PDGFRL: variants seen among roughly 807,000 people sequenced by gnomAD.
PDGFRL encodes the protein platelet-derived growth factor receptor-like protein.
A neutral mutation model predicts 37.2 loss-of-function variants in PDGFRL; 46 were observed. The ratio of observed to expected loss-of-function variants is 1.24; its 90% CI spans 0.98 to 1.58. PDGFRL has a LOEUF of 1.58. PDGFRL is among the 40% of genes most tolerant of loss of function. The pLI is 0.00. For missense variants in PDGFRL, 692 were observed against 467.6 expected, an observed-to-expected ratio of 1.48 and a Z score of -4.43; for synonymous variants, 251 against 184.3, an observed-to-expected ratio of 1.36 and a Z score of -2.93.
At chr8:17,602,475 A>C (rs1245700204) in intron 2 of PDGFRL, among the ~76,000 whole-genome samples, 1 of 152,132 alleles carries the variant, frequency 6.6e-6, no homozygotes, top group Non-Finnish European at 1.5e-5. Flanking sequence ...AAGAGAGAGT[A>C]ATCATCGAAT....
intron 2 of PDGFRL, among the ~76,000 whole-genome samples, chr8:17,616,414 C>T (rs1045910891): frequency 6.6e-6 from 1 of 152,012 alleles, no homozygotes; most frequent in Non-Finnish European, 1.5e-5. Flanking sequence ...AGGATGGTCT[C>T]GATCTCTTGA....
intron 2 of PDGFRL, among the ~76,000 whole-genome samples, chr8:17,594,601 C>A (rs545549465): frequency 1.4e-4 from 22 of 151,848 alleles, no homozygotes; most frequent in African/African-American, 4.8e-4. Context: ...GTCACCCAGG[C>A]TGGAGTGCAG....
chr8:17,611,153 C>T (rs1417212759), intron 2 of PDGFRL, among the ~76,000 whole-genome samples: 1 of 152,184 alleles, frequency 6.6e-6, no homozygotes, highest in Non-Finnish European at 1.5e-5. Flanking sequence ...CTCTAGCTGG[C>T]CTTGTAACCT....
chr8:17,587,863 C>T (rs1320618193), intron 1 of PDGFRL, among the ~76,000 whole-genome samples: 2 of 152,066 alleles, frequency 1.3e-5, no homozygotes, highest in Non-Finnish European at 2.9e-5. Flanking sequence ...CTTCTGACCT[C>T]AACTGATCCA....
At chr8:17,591,624 CCTG>C (rs1435547703) in intron 2 of PDGFRL, among the ~76,000 whole-genome samples, 14 of 152,118 alleles carry the variant, frequency 9.2e-5, no homozygotes, top group African/African-American at 3.4e-4. Flanking sequence ...AGAAAGAAAG[CCTG>C]CAGGCAGGCT....
intron 5 of PDGFRL, among the ~76,000 whole-genome samples, chr8:17,634,982 T>TAAA (rs759933210): frequency 0.062 from 9,380 of 151,246 alleles, 413 homozygotes; most frequent in East Asian, 0.14. Flanking sequence ...GGTTTTTTTT[T>TAAA]AAAAAAAAGG....
At chr8:17,624,200 G>A (rs1042613066) in intron 3 of PDGFRL, among the ~76,000 whole-genome samples, 1 of 152,134 alleles carries the variant, frequency 6.6e-6, no homozygotes, top group Non-Finnish European at 1.5e-5. Flanking sequence ...GCTGGCTCAG[G>A]ATTCTTTCAG....
intron 2 of PDGFRL, among the ~76,000 whole-genome samples, chr8:17,619,000 T>C (rs992818117): frequency 3.9e-5 from 6 of 152,136 alleles, no homozygotes; most frequent in African/African-American, 1.2e-4. Context: ...GAAGCACCAC[T>C]TGGCAGAACT....
intron 2 of PDGFRL, among the ~76,000 whole-genome samples, chr8:17,609,542 G>A (rs1233854980): frequency 6.9e-6 from 1 of 144,520 alleles, no homozygotes; most frequent in East Asian, 2.1e-4. Flanking sequence ...GGAGGCTAAA[G>A]CAGGAGAATC....
At chr8:17,622,123 A>T (rs1017060685) in intron 3 of PDGFRL, among the ~76,000 whole-genome samples, 1 of 152,178 alleles carries the variant, frequency 6.6e-6, no homozygotes, top group Non-Finnish European at 1.5e-5. Flanking sequence ...CTGCAGTGCA[A>T]AGTATGTTTC....
At chr8:17,607,804 G>A (rs1804315287) in intron 2 of PDGFRL, among the ~76,000 whole-genome samples, 1 of 152,226 alleles carries the variant, frequency 6.6e-6, no homozygotes, top group Admixed American at 6.5e-5. Context: ...TGAAAGATAT[G>A]TCAAAGGAGG....
rs1418967720 is a variant in PDGFRL, at chr8:17,642,732, A to G, written c.1059A>G (p.Gly353=). ...AAGACTTTGAGACGATTGATGCAGG[A>G]TATTACATTTGCACTGCTCAGAATC... The part of the protein sequence containing the change: ...TVEDFETIDA[G]YYICTAQNLQ... Residue 353 remains glycine, a synonymous_variant, in exon 6 of 6, where the codon GGA becomes GGG. Transcript: ENST00000251630. 6.2e-7 allele frequency: 1 copy of G among 1,607,616 alleles called. No individual in the cohort carries two copies. Among genetic ancestry groups the G allele is most frequent in the Non-Finnish European group, 8.5e-7 (1 of 1,173,990 alleles).
At chr8:17,595,272 C>G (rs1320869361) in intron 2 of PDGFRL, among the ~76,000 whole-genome samples, 1 of 152,162 alleles carries the variant, frequency 6.6e-6, no homozygotes, top group African/African-American at 2.4e-5. Context: ...CCACCATCCC[C>G]TCAACCATTA....
intron 5 of PDGFRL, among the ~76,000 whole-genome samples, chr8:17,634,704 A>C (rs904570818): frequency 1.6e-4 from 24 of 152,206 alleles, no homozygotes; most frequent in African/African-American, 5.1e-4. Flanking sequence ...TATCCTTAGC[A>C]AACTAACACA....
intron 5 of PDGFRL, 53 bp downstream of exon 5, chr8:17,634,266 C>T (rs1804924556): frequency 1.4e-6 from 2 of 1,461,840 alleles, no homozygotes; most frequent in Non-Finnish European, 1.9e-6. Context: ...TGCATCTCAG[C>T]CAGCCATTTT....
At chr8:17,589,842 C>T (rs752127666) in intron 2 of PDGFRL, 77 bp downstream of exon 2, 16 of 845,138 alleles carry the variant, frequency 1.9e-5, no homozygotes, top group East Asian at 2.5e-5. Flanking sequence ...ACTATTATTA[C>T]ACATTGTTTC....
In PDGFRL at chr8:17,621,178, G is replaced by A. The variant is rs749846407; in HGVS notation, c.481G>A (p.Gly161Ser). ...CTGCAGGAAGGACGAGGCCAAAACG[G>A]GCTCCACCTACATCTTTTTTACAGG... is the stretch of plus-strand genomic sequence containing the variant. ...YICRKDEAKT[G>S]STYIFFTEKG... is the part of the protein sequence containing the mutation. The change falls in exon 3 of 6, where the codon GGC becomes AGC. Residue 161 changes from glycine to serine, a missense_variant. Transcript: ENST00000251630. The A allele has an allele frequency of 6.2e-7, 1 of 1,609,034 alleles. No homozygotes were observed. Among genetic ancestry groups the A allele is most frequent in the South Asian group, 1.1e-5 (1 of 90,470 alleles).
chr8:17,592,166 C>A (rs1803954168), intron 2 of PDGFRL, among the ~76,000 whole-genome samples: 1 of 152,340 alleles, frequency 6.6e-6, no homozygotes, highest in East Asian at 1.9e-4. Flanking sequence ...TTTCAAAATT[C>A]TGAGTTTGGT....
intron 2 of PDGFRL, among the ~76,000 whole-genome samples, chr8:17,599,958 C>T (rs939806968): frequency 6.6e-6 from 1 of 152,130 alleles, no homozygotes; most frequent in Admixed American, 6.5e-5. Flanking sequence ...GGATCATCAA[C>T]ATCTCCTTGA....
Sources: allele counts gnomAD v4.1 joint callset (sites outside exome capture counted in the v4.1 genomes callset), GRCh38; gene constraint gnomAD v4.1.1; transcripts MANE v1.5; gene names NCBI Gene and HGNC (gene_info 2026-07-23, HGNC 2026-07-21).